IRAG1: variants seen among roughly 807,000 people sequenced by gnomAD.
IRAG1 encodes inositol 1,4,5-triphosphate receptor associated 1.
IRAG1 carries 62 observed loss-of-function variants against 106.2 expected under a neutral mutation model. That is an observed-to-expected ratio of 0.58 (90% CI 0.48 to 0.72). IRAG1 has a LOEUF of 0.72. Ranked by LOEUF, IRAG1 falls within the 30% of genes least tolerant of loss-of-function variation. The pLI, the probability that IRAG1 is intolerant of heterozygous loss-of-function variation, is 0.00. For synonymous variants in IRAG1, 462 were observed against 443.9 expected (o/e 1.04, Z -0.51); for missense variants, 1,064 against 1,140.7 (o/e 0.93, Z 0.97).
At chr11:10,599,264 CTA>C (rs1239430419) in intron 15 of IRAG1, among the ~76,000 whole-genome samples, 17 of 152,160 alleles carry the variant, frequency 1.1e-4, no homozygotes, top group Admixed American at 6.5e-5. Flanking sequence ...CCCTTTACCT[CTA>C]TATTCCAGTA....
intron 19 of IRAG1, among the ~76,000 whole-genome samples, chr11:10,580,830 G>GA (rs1381755175): frequency 6.6e-6 from 1 of 152,198 alleles, no homozygotes; most frequent in African/African-American, 2.4e-5. Context: ...AACTGACAGG[G>GA]AAAAAATGTG....
intron 1 of IRAG1, among the ~76,000 whole-genome samples, chr11:10,672,437 A>AT (rs1860311194): frequency 6.6e-6 from 1 of 152,258 alleles, no homozygotes; most frequent in African/African-American, 2.4e-5. Context: ...TGCAAATAGC[A>AT]TATCTAATAA....
At chr11:10,690,588 C>A (rs1861983394) in intron 1 of IRAG1, among the ~76,000 whole-genome samples, 1 of 152,124 alleles carries the variant, frequency 6.6e-6, no homozygotes, top group South Asian at 2.1e-4. Flanking sequence ...AACATGATAT[C>A]CCCTTTCCCT....
At chr11:10,678,968 CA>C (rs1173443791) in intron 1 of IRAG1, among the ~76,000 whole-genome samples, 4 of 152,182 alleles carry the variant, frequency 2.6e-5, no homozygotes, top group African/African-American at 9.7e-5. Context: ...TTGTTCAACC[CA>C]AGGTCAACCC....
intron 1 of IRAG1, among the ~76,000 whole-genome samples, chr11:10,660,730 G>A (rs1212956405): frequency 6.6e-6 from 1 of 152,102 alleles, no homozygotes; most frequent in Non-Finnish European, 1.5e-5. Flanking sequence ...ACACATCCCT[G>A]ACAGAGCTCA....
Position 10,626,190 on chromosome 11 carries a change from G to A in IRAG1, c.1144C>T (p.Pro382Ser), listed in dbSNP as rs749817197. ...AGCAGCGGGGGCCGGGACACAGTGG[G>A]TGGAAGCTCAGCTTTGGAGCCAGCC... ...PEAGSKAELP[P>S]TVSRPPLLRG... is the part of the protein sequence containing the mutation. The change falls in exon 9 of 21, where the codon CCC becomes TCC. Residue 382 changes from proline (P) to serine (S), a missense_variant. Physicochemically the swap from Pro to Ser is moderately conservative, Grantham distance 74. Transcript: ENST00000423302. The A allele has an allele frequency of 8.9e-6, 14 of 1,564,848 alleles. 1 individual carries two copies. The highest frequency in any genetic ancestry group is 1.2e-5 in the Non-Finnish European group (14 of 1,153,628).
chr11:10,633,215 C>G (rs775841462), intron 3 of IRAG1, among the ~76,000 whole-genome samples: 1 of 151,842 alleles, frequency 6.6e-6, no homozygotes, highest in Non-Finnish European at 1.5e-5. Context: ...GCTGGGACTA[C>G]AGGCGCCCGC....
intron 15 of IRAG1, among the ~76,000 whole-genome samples, chr11:10,597,050 C>A (rs1423652677): frequency 5.9e-5 from 9 of 152,172 alleles, no homozygotes; most frequent in Middle Eastern, 3.2e-3. Context: ...TTCTTAGAGG[C>A]CTAGGTTCAG....
At chr11:10,591,755 G>C (rs1221477635) in intron 17 of IRAG1, 143 bp from the exon 18 acceptor site, 4 of 769,540 alleles carry the variant, frequency 5.2e-6, no homozygotes, top group Non-Finnish European at 8.9e-6. Flanking sequence ...CTTCATCTGA[G>C]CCCAGGACTT....
Position 10,652,169 on chromosome 11 carries a change from C to T in IRAG1, c.81G>A (p.Gln27=). Reference sequence around the variant, plus strand: ...CAGCCCCAAAGATGCTCCAAGAGGCCTGGGCTCCACAGGCTGGGGAGATGC... The same window carrying T: ...CAGCCCCAAAGATGCTCCAAGAGGCTTGGGCTCCACAGGCTGGGGAGATGC... ...ENNSVLACGA[Q]ASWSIFGADA... is the part of the protein sequence containing the mutation. Residue 27 remains glutamine, a synonymous_variant, in exon 2 of 21, where the codon CAG becomes CAA. Transcript: ENST00000423302. The T allele has an allele frequency of 6.2e-7, 1 of 1,613,814 alleles. No individual in the cohort carries two copies. Among genetic ancestry groups the T allele is most frequent in the Non-Finnish European group, 8.5e-7 (1 of 1,179,852 alleles).
chr11:10,580,633 C>T (rs1591533990), intron 19 of IRAG1, 44 bp from the exon 20 acceptor site: 1 of 1,600,316 alleles, frequency 6.2e-7, no homozygotes, highest in Non-Finnish European at 8.5e-7. Flanking sequence ...AGGGCAGATG[C>T]AGTGCATCCT....
At chr11:10,644,436 G>A (rs749417921) in intron 2 of IRAG1, among the ~76,000 whole-genome samples, 1 of 152,198 alleles carries the variant, frequency 6.6e-6, no homozygotes, top group Non-Finnish European at 1.5e-5. Flanking sequence ...TGCAAAGGAT[G>A]TGATGAGATA....
intron 10 of IRAG1, among the ~76,000 whole-genome samples, chr11:10,612,325 C>T (rs892273516): frequency 6.6e-6 from 1 of 152,122 alleles, no homozygotes; most frequent in Non-Finnish European, 1.5e-5. Flanking sequence ...GATATGCCCC[C>T]GATTTGGTAT....
At chr11:10,581,769 G>T in intron 19 of IRAG1, 98 bp downstream of exon 19, 1 of 1,451,878 alleles carries the variant, frequency 6.9e-7, no homozygotes, top group Non-Finnish European at 9.2e-7. Context: ...GCGGCCACTG[G>T]TTACTTCCCT....
chr11:10,605,323 G>A lies in IRAG1; in HGVS notation c.1603-778C>T, dbSNP rs147350168. 1.1e-3 allele frequency among the ~76,000 whole-genome samples: 172 copies of A among 152,276 alleles called. 3 individuals are homozygous for A. In the East Asian group the frequency reaches 0.031, roughly 28 times the overall value. ...TGGTAGCAGATTTATACCCTGCAGG[G>A]TTAGTAACCACAGGGGCTTCTGAAG... On this transcript the variant is annotated intron_variant, in intron 12 of 20. Coordinates refer to ENST00000423302, the MANE Select transcript of IRAG1 (RefSeq NM_130385.4).
chr11:10,607,708 G>A (rs1446957226), intron 11 of IRAG1, among the ~76,000 whole-genome samples: 3 of 152,282 alleles, frequency 2.0e-5, no homozygotes, highest in Middle Eastern at 6.8e-3. Flanking sequence ...TCTCTTGAAC[G>A]GGTGTGAAGG....
At chr11:10,597,690 T>C (rs1158055194) in intron 15 of IRAG1, among the ~76,000 whole-genome samples, 2 of 152,206 alleles carry the variant, frequency 1.3e-5, no homozygotes, top group African/African-American at 2.4e-5. Context: ...CTTAAAAAAA[T>C]TGTCAGATCA....
At chr11:10,610,838 A>G (rs1344972371) in intron 10 of IRAG1, among the ~76,000 whole-genome samples, 1 of 152,246 alleles carries the variant, frequency 6.6e-6, no homozygotes, top group East Asian at 1.9e-4. Context: ...CAAATCAGTT[A>G]TCCTCATCCT....
chr11:10,591,740 C>G, intron 17 of IRAG1, 128 bp from the exon 18 acceptor site: 1 of 839,830 alleles, frequency 1.2e-6, no homozygotes, highest in Non-Finnish European at 2.0e-6. Context: ...CCCCCACTTT[C>G]CAATCTTCAT....
Sources: allele counts gnomAD v4.1 joint callset (sites outside exome capture counted in the v4.1 genomes callset), GRCh38; gene constraint gnomAD v4.1.1; transcripts MANE v1.5; gene names NCBI Gene and HGNC (gene_info 2026-07-23, HGNC 2026-07-21).